Variants in NEMP2 observed in about 807,000 individuals in gnomAD.
NEMP2 encodes UPF0571 transmembrane protein.
A neutral mutation model predicts 54.2 loss-of-function variants in NEMP2; 53 were observed. The observed-to-expected ratio is 0.98, with a 90% CI of 0.78 to 1.23. NEMP2 has a LOEUF of 1.23. NEMP2 is among the 50% of genes most tolerant of loss of function. The probability of loss-of-function intolerance (pLI) is 0.00; values close to 1 mark genes in which losing one functional copy is unlikely to be tolerated. For synonymous variants in NEMP2, 197 were observed against 190.3 expected, an observed-to-expected ratio of 1.04 and a Z score of -0.29; for missense variants, 455 against 511.3, an observed-to-expected ratio of 0.89 and a Z score of 1.06.
chr2:190,589,307 C>T, the NEMP2 span, among the ~76,000 whole-genome samples: 1 of 152,164 alleles, frequency 6.6e-6, no homozygotes, highest in Admixed American at 6.5e-5. The surrounding 1 kb of genome is among the most constrained non-coding windows in gnomAD (Gnocchi z 4.3). Context: ...GTGCTCTTGT[C>T]AACACTGAGT....
chr2:190,503,650 G>A (rs754457576), downstream of NEMP2, among the ~76,000 whole-genome samples: 7 of 152,160 alleles, frequency 4.6e-5, no homozygotes, highest in Non-Finnish European at 7.4e-5. This position sits in a 1 kb window ranked among gnomAD's most constrained non-coding sequence, Gnocchi z 6.3. Context: ...AAGTTCTTCA[G>A]CCCTTTGGAG....
chr2:190,435,890 A>G, the NEMP2 span: 1 of 1,130,418 alleles, frequency 8.8e-7, no homozygotes, highest in Non-Finnish European at 1.2e-6. Context: ...TTTAGTTTGT[A>G]ACTGCTTAAT....
At chr2:190,435,657 C>A in the NEMP2 span, among the ~76,000 whole-genome samples, 1 of 152,182 alleles carries the variant, frequency 6.6e-6, no homozygotes, top group Admixed American at 6.5e-5. Flanking sequence ...ATTTTCAACT[C>A]TCTGTGTTTG....
the NEMP2 span, among the ~76,000 whole-genome samples, chr2:190,540,785 A>C: frequency 6.6e-6 from 1 of 152,194 alleles, no homozygotes; most frequent in Admixed American, 6.5e-5. Flanking sequence ...ATTTTTAAAA[A>C]GAGTTTGAGT....
the NEMP2 span, chr2:190,436,208 A>G: frequency 1.9e-6 from 3 of 1,614,196 alleles, no homozygotes; most frequent in Admixed American, 5.0e-5. This position sits in a 1 kb window ranked among gnomAD's most constrained non-coding sequence, Gnocchi z 5.3. Flanking sequence ...ATAGAGAAAC[A>G]TTGTGTTAAG....
chr2:190,429,092 A>G, the NEMP2 span, among the ~76,000 whole-genome samples: 2 of 152,054 alleles, frequency 1.3e-5, no homozygotes, highest in East Asian at 3.8e-4. Flanking sequence ...GGCCATTTGT[A>G]TAGGCTCTTT....
chr2:190,627,056 G>C, the NEMP2 span, among the ~76,000 whole-genome samples: 1 of 152,160 alleles, frequency 6.6e-6, no homozygotes, highest in Non-Finnish European at 1.5e-5. This position sits in a 1 kb window ranked among gnomAD's most constrained non-coding sequence, Gnocchi z 4.4. Flanking sequence ...TTGTCACACT[G>C]ATCTCTAAGG....
chr2:190,549,553 T>C, the NEMP2 span, among the ~76,000 whole-genome samples: 2 of 152,324 alleles, frequency 1.3e-5, no homozygotes, highest in East Asian at 1.9e-4. Context: ...AATTCTTTGT[T>C]TTTTTGAATA....
Position 190,518,797 on chromosome 2 carries a change from T to G in NEMP2, c.457A>C (p.Lys153Gln). Residue 153 changes from lysine to glutamine, a missense_variant, in exon 4 of 9, where the codon AAA becomes CAA. By Grantham distance (53) the Lys-to-Gln change is moderately conservative. This residue lies in a region of NEMP2 where 294 missense variants were observed against 333.6 expected (regional missense o/e 0.88). Coordinates refer to ENST00000409150, the MANE Select transcript of NEMP2 (RefSeq NM_001142645.2). ...IHVNRNIMDF[K>Q]LFLVFVAGVF... ...CCTGCCACAAACACAAGGAAGAGTT[T>G]GAAATCCATGACTGGAGTAAAAAAG... 1.9e-6 allele frequency: 3 copies of G among 1,546,738 alleles called. No homozygotes were observed. Among genetic ancestry groups the G allele is most frequent in the Non-Finnish European group, 2.6e-6 (3 of 1,145,982 alleles).
At chr2:190,569,229 T>C in the NEMP2 span, among the ~76,000 whole-genome samples, 1 of 152,120 alleles carries the variant, frequency 6.6e-6, no homozygotes, top group African/African-American at 2.4e-5. Flanking sequence ...GAAAGAAAAA[T>C]GACAATATAT....
the NEMP2 span, among the ~76,000 whole-genome samples, chr2:190,639,265 A>G: frequency 2.0e-5 from 3 of 152,086 alleles, no homozygotes; most frequent in African/African-American, 4.8e-5. Flanking sequence ...TGGGGTATCT[A>G]TGCCTTGAGG....
At position 190,513,602 on chromosome 2, in the gene NEMP2, G is replaced by A. The variant is rs1690447275; in HGVS notation, c.953+851C>T. On this transcript the variant is annotated intron_variant, in intron 7 of 8. Coordinates refer to ENST00000409150, the MANE Select transcript of NEMP2 (RefSeq NM_001142645.2). The surrounding 1 kb of genome is among the most constrained non-coding windows in gnomAD (Gnocchi z 5.3). ...TGCTTAGCATGGCTGCCATGCATCTGGCCCATGCCCACCTTGCTTGCTGCA... is the reference window on the plus strand; with the variant it reads ...TGCTTAGCATGGCTGCCATGCATCTAGCCCATGCCCACCTTGCTTGCTGCA... Among the ~76,000 whole-genome samples, 1 of 152,220 alleles carries A rather than the reference G, an allele frequency of 6.6e-6. No homozygotes were observed. Among genetic ancestry groups the A allele is most frequent in the African/African-American group, 2.4e-5 (1 of 41,454 alleles).
the NEMP2 span, among the ~76,000 whole-genome samples, chr2:190,635,508 G>A: frequency 3.3e-5 from 5 of 152,100 alleles, no homozygotes; most frequent in African/African-American, 7.2e-5. The surrounding 1 kb of genome is among the most constrained non-coding windows in gnomAD (Gnocchi z 4.1). Context: ...GAGCCACTGC[G>A]TCTGGTCTTG....
the NEMP2 span, among the ~76,000 whole-genome samples, chr2:190,578,345 C>T: frequency 5.3e-5 from 8 of 151,842 alleles, no homozygotes; most frequent in East Asian, 1.9e-4. The surrounding 1 kb of genome is among the most constrained non-coding windows in gnomAD (Gnocchi z 4.4). Context: ...CTTCCATCCT[C>T]CCTCTTAGCC....
the NEMP2 span, among the ~76,000 whole-genome samples, chr2:190,495,082 A>T: frequency 0.017 from 2,658 of 152,296 alleles, 75 homozygotes; most frequent in African/African-American, 0.06. This position sits in a 1 kb window ranked among gnomAD's most constrained non-coding sequence, Gnocchi z 4.7. Context: ...TGATGATAAG[A>T]TTGTATACCT....
the NEMP2 span, among the ~76,000 whole-genome samples, chr2:190,473,668 C>T: frequency 1.3e-5 from 2 of 152,184 alleles, no homozygotes; most frequent in Non-Finnish European, 2.9e-5. Flanking sequence ...ATCAACGAGA[C>T]AGAAAGTCAG....
chr2:190,454,967 T>C, the NEMP2 span, among the ~76,000 whole-genome samples: 49 of 111,178 alleles, frequency 4.4e-4, no homozygotes, highest in South Asian at 0.017. This position sits in a 1 kb window ranked among gnomAD's most constrained non-coding sequence, Gnocchi z 4.6. Flanking sequence ...TATGTATATG[T>C]ATATGTATAT....
chr2:190,498,150 T>G, the NEMP2 span, among the ~76,000 whole-genome samples: 1 of 152,208 alleles, frequency 6.6e-6, no homozygotes, highest in Non-Finnish European at 1.5e-5. The surrounding 1 kb of genome is among the most constrained non-coding windows in gnomAD (Gnocchi z 5.9). Context: ...CCTAACTCAG[T>G]GGAATTATGG....
At chr2:190,480,518 C>T in the NEMP2 span, among the ~76,000 whole-genome samples, 34,428 of 152,248 alleles carry the variant, frequency 0.23, 4,989 homozygotes, top group South Asian at 0.34. Flanking sequence ...CCTAGGATGA[C>T]ATCTTGCCAT....
Sources: allele counts gnomAD v4.1 joint callset (sites outside exome capture counted in the v4.1 genomes callset), GRCh38; gene constraint gnomAD v4.1.1; regional missense constraint gnomAD v4.1.1; non-coding constraint Gnocchi (gnomAD v3.1); transcripts MANE v1.5; gene names NCBI Gene and HGNC (gene_info 2026-07-23, HGNC 2026-07-21).